SOX6: variants seen among roughly 807,000 people sequenced by gnomAD.
SOX6 encodes the protein SRY-box transcription factor 6, also known as transcription factor SOX-6.
A neutral mutation model predicts 97.8 loss-of-function variants in SOX6; 11 were observed. The ratio of observed to expected loss-of-function variants is 0.11; its 90% confidence interval spans 0.07 to 0.19. The LOEUF is 0.19. Ranked by LOEUF, SOX6 falls within the 10% of genes least tolerant of loss-of-function variation. SOX6 has a pLI of 1.00. For missense variants in SOX6, 810 were observed against 1,039.5 expected (o/e 0.78, Z 3.04); for synonymous variants, 360 against 371.4 (o/e 0.97, Z 0.35).
chr11:16,211,566 A>C (rs2134142708), intron 4 of SOX6, among the ~76,000 whole-genome samples: 1 of 152,324 alleles, frequency 6.6e-6, no homozygotes, highest in South Asian at 2.1e-4. Context: ...CATTATACCC[A>C]GGCTTCTAGG....
At chr11:16,387,674 A>C (rs2134419886) in intron 1 of SOX6, among the ~76,000 whole-genome samples, 1 of 152,254 alleles carries the variant, frequency 6.6e-6, no homozygotes, top group South Asian at 2.1e-4. Context: ...TACTCTTAAA[A>C]AATGATCACT....
chr11:16,367,541 C>T (rs1857389873), intron 1 of SOX6, among the ~76,000 whole-genome samples: 1 of 152,136 alleles, frequency 6.6e-6, no homozygotes, highest in Admixed American at 6.6e-5. Flanking sequence ...ACTGCGTATC[C>T]ACAGTATGAA....
At chr11:16,272,827 T>TA (rs1399478770) in intron 3 of SOX6, among the ~76,000 whole-genome samples, 2 of 151,934 alleles carry the variant, frequency 1.3e-5, no homozygotes, top group Non-Finnish European at 2.9e-5. Context: ...CAACCTCATC[T>TA]AGCCTTATAG....
chr11:16,398,257 A>G (rs968625587), intron 1 of SOX6, among the ~76,000 whole-genome samples: 1 of 151,554 alleles, frequency 6.6e-6, no homozygotes, highest in African/African-American at 2.4e-5. Flanking sequence ...GAATAAAAGT[A>G]TGTACCTTAT....
intron 1 of SOX6, among the ~76,000 whole-genome samples, chr11:16,429,144 A>G (rs964369075): frequency 6.6e-6 from 1 of 152,240 alleles, no homozygotes; most frequent in Non-Finnish European, 1.5e-5. Flanking sequence ...CAGGCCAGTC[A>G]GAATCACTAT....
intron 1 of SOX6, among the ~76,000 whole-genome samples, chr11:16,433,398 G>A (rs1859308148): frequency 6.6e-6 from 1 of 152,006 alleles, no homozygotes; most frequent in Non-Finnish European, 1.5e-5. Context: ...GTAAGACGTT[G>A]TGCAAGAAGG....
chr11:16,086,019 C>T (rs1339247401), intron 9 of SOX6, among the ~76,000 whole-genome samples: 10 of 152,242 alleles, frequency 6.6e-5, no homozygotes, highest in East Asian at 1.9e-4. Context: ...AGACACTTTC[C>T]CCACAAGCTT....
At chr11:16,009,789 C>G (rs935868076) in intron 13 of SOX6, among the ~76,000 whole-genome samples, 3 of 152,020 alleles carry the variant, frequency 2.0e-5, no homozygotes, top group Non-Finnish European at 4.4e-5. Context: ...ATGATCTTTA[C>G]ATTCCAAAGT....
intron 4 of SOX6, among the ~76,000 whole-genome samples, chr11:16,587,000 T>C (rs887429252): frequency 4.6e-5 from 7 of 152,194 alleles, no homozygotes; most frequent in East Asian, 3.9e-4. Context: ...GGTTATGATG[T>C]ACAAGACTTT....
chr11:16,389,231 T>C (rs1858086263), intron 1 of SOX6, among the ~76,000 whole-genome samples: 1 of 152,068 alleles, frequency 6.6e-6, no homozygotes, highest in Admixed American at 6.5e-5. Flanking sequence ...TATAGGTTCG[T>C]GTCACCACCC....
intron 9 of SOX6, among the ~76,000 whole-genome samples, chr11:16,068,784 T>C (rs1426376192): frequency 6.6e-6 from 1 of 152,252 alleles, no homozygotes; most frequent in Non-Finnish European, 1.5e-5. Flanking sequence ...TGAAGCGTTA[T>C]CTGACTACTG....
chr11:16,159,400 A>G (rs1179150052), intron 6 of SOX6, among the ~76,000 whole-genome samples: 1 of 152,068 alleles, frequency 6.6e-6, no homozygotes, highest in Non-Finnish European at 1.5e-5. Context: ...GCTCTCCAAA[A>G]CAGTTACGTG....
chr11:16,716,166 G>A (rs774935074), intron 2 of SOX6, among the ~76,000 whole-genome samples: 15 of 152,282 alleles, frequency 9.9e-5, no homozygotes, highest in Non-Finnish European at 5.9e-5. Context: ...AGCCTAGGAA[G>A]CGGAGGTCGC....
chr11:16,249,115 GA>G (rs980984308), intron 3 of SOX6, among the ~76,000 whole-genome samples: 34 of 147,696 alleles, frequency 2.3e-4, no homozygotes, highest in East Asian at 1.4e-3. Flanking sequence ...AAAAGAAAAA[GA>G]AAAAAAAAAT....
chr11:16,574,920 A>G (rs1038514953), intron 4 of SOX6, among the ~76,000 whole-genome samples: 11 of 152,076 alleles, frequency 7.2e-5, no homozygotes, highest in African/African-American at 2.7e-4. Flanking sequence ...CACGCCTGTA[A>G]TCTCAGCCAC....
At chr11:16,682,843 C>T (rs1023330552) in intron 3 of SOX6, among the ~76,000 whole-genome samples, 3 of 152,174 alleles carry the variant, frequency 2.0e-5, no homozygotes, top group African/African-American at 7.2e-5. Context: ...AAAACCCCAT[C>T]ATCTCCGCCC....
intron 4 of SOX6, among the ~76,000 whole-genome samples, chr11:16,496,580 G>T (rs1358481363): frequency 1.3e-5 from 2 of 152,192 alleles, no homozygotes; most frequent in African/African-American, 4.8e-5. Context: ...CAAAGAAAGG[G>T]GTGACAGACA....
intron 1 of SOX6, among the ~76,000 whole-genome samples, chr11:16,363,621 T>C (rs1485146904): frequency 6.6e-6 from 1 of 152,108 alleles, no homozygotes; most frequent in East Asian, 1.9e-4. Context: ...GAACACCTTA[T>C]AATTTTGATA....
intron 2 of SOX6, among the ~76,000 whole-genome samples, chr11:16,723,088 A>G (rs1293025396): frequency 6.6e-6 from 1 of 152,210 alleles, no homozygotes; most frequent in Non-Finnish European, 1.5e-5. Context: ...TTATCCATCA[A>G]TTATAGACTG....
Sources: gnomAD v4.1 joint callset for allele counts (sites outside exome capture counted in the v4.1 genomes callset) on GRCh38, gnomAD v4.1.1 for gene constraint, MANE v1.5 for transcripts, NCBI Gene and HGNC (gene_info 2026-07-23, HGNC 2026-07-21) for gene names.